Variants in TPH1 observed in about 807,000 individuals in gnomAD.
The protein encoded by TPH1 is tryptophan hydroxylase 1.
In TPH1, 37 loss-of-function variants were observed where a neutral mutation model predicts 49.5. That is an observed-to-expected ratio of 0.75 (90% CI 0.58 to 0.98). The LOEUF is 0.98. Among genes scored for constraint, TPH1 ranks in the 50% least tolerant of loss-of-function variants. The probability of loss-of-function intolerance (pLI) is 0.00; values close to 1 mark genes in which losing one functional copy is unlikely to be tolerated. For synonymous variants in TPH1, 160 were observed against 182.1 expected (o/e 0.88, Z 0.98); for missense variants, 487 against 523.6 (o/e 0.93, Z 0.68).
Position 18,026,529 on chromosome 11 carries a change from T to C in TPH1, c.764A>G (p.Tyr255Cys), listed in dbSNP as rs1314697630. ...LAFRVFHCTQ[Y>C]VRHSSDPFYT... ...GAAGGGATCTGAACTGTGTCTCACA[T>C]ATTGAGTGCAGTGAAAAACTCGAAA... The change falls in exon 7 of 11, where the codon TAT becomes TGT. Residue 255 changes from tyrosine (Y) to cysteine (C), a missense_variant. Coordinates refer to ENST00000682019, the MANE Select transcript of TPH1 (RefSeq NM_004179.3). The C allele has an allele frequency of 1.2e-6, 2 of 1,613,124 alleles. No individual in the cohort carries two copies. The highest frequency in any genetic ancestry group is 1.7e-6 in the Non-Finnish European group (2 of 1,179,692).
chr11:18,021,255 G>T, intron 10 of TPH1, 90 bp from the exon 11 acceptor site: 1 of 1,312,440 alleles, frequency 7.6e-7, no homozygotes, highest in Non-Finnish European at 1.1e-6. Flanking sequence ...CACATACTAG[G>T]CAAAAAACAA....
chr11:18,021,037 A>G lies in TPH1; in HGVS notation c.1289T>C (p.Val430Ala). Residue 430 changes from valine to alanine, a missense_variant, in exon 11 of 11, where the codon GTT (valine) becomes GCT (alanine). By Grantham distance (64) the Val-to-Ala change is moderately conservative (BLOSUM62 0). Coordinates refer to ENST00000682019, the MANE Select transcript of TPH1 (RefSeq NM_004179.3). ...AMNELQHDLD[V>A]VSDALAKVSR... ...GACCTTAGCAAGGGCATCACTGACA[A>G]CATCGAGATCATGCTGCAGCTCATT... is the stretch of plus-strand genomic sequence containing the variant. 6.2e-7 allele frequency: 1 copy of G among 1,614,028 alleles called. No homozygotes were observed. Among genetic ancestry groups the G allele is most frequent in the Admixed American group, 1.7e-5 (1 of 60,006 alleles).
At chr11:18,029,109 T>C in intron 6 of TPH1, 56 bp downstream of exon 6, 1 of 974,904 alleles carries the variant, frequency 1.0e-6, no homozygotes. Flanking sequence ...AAAAATGCTG[T>C]CATGATCAAA....
intron 6 of TPH1, among the ~76,000 whole-genome samples, chr11:18,027,980 G>C (rs1260143485): frequency 6.6e-6 from 1 of 152,180 alleles, no homozygotes; most frequent in Non-Finnish European, 1.5e-5. Flanking sequence ...GAAACTCAAA[G>C]ACAGCAATTT....
Position 18,019,942 on chromosome 11 carries a change from T to C in TPH1, c.*1049A>G, listed in dbSNP as rs1854338374. ...TTTCTGACATTCTATTTCCTCCCCT[T>C]TTCTGCAGCCTCTACTCTCATTGCA... is the stretch of plus-strand genomic sequence containing the variant. On this transcript the variant is annotated 3_prime_UTR_variant, in exon 11 of 11. Transcript: ENST00000682019. 1 of 354,196 alleles carries C rather than the reference T, an allele frequency of 2.8e-6. No individual in the cohort carries two copies. The highest frequency in any genetic ancestry group is 5.5e-6 in the Non-Finnish European group (1 of 180,578). 21.9% of individuals were successfully genotyped at this position (354,196 alleles called of 1,614,324 possible). A position where few individuals can be genotyped will look rare whatever the true frequency, so the allele number is the denominator to read the frequency against.
At chr11:18,027,585 T>C (rs1847942756) in intron 6 of TPH1, among the ~76,000 whole-genome samples, 1 of 152,248 alleles carries the variant, frequency 6.6e-6, no homozygotes, top group African/African-American at 2.4e-5. Flanking sequence ...CTGTTAGTTT[T>C]GATTTCTCTT....
chr11:18,028,642 C>A (rs555150108), intron 6 of TPH1, among the ~76,000 whole-genome samples: 1 of 152,340 alleles, frequency 6.6e-6, no homozygotes, highest in Admixed American at 6.5e-5. Context: ...ATTCTGCTCA[C>A]TTTCCTCTAC....
chr11:18,040,672 G>A lies in TPH1; in HGVS notation c.91C>T (p.Leu31Phe). Residue 31 changes from leucine to phenylalanine, a missense_variant, in exon 2 of 11, where the codon CTT (leucine) becomes TTT (phenylalanine). Coordinates refer to ENST00000682019, the MANE Select transcript of TPH1 (RefSeq NM_004179.3). ...TGAAAGATTTTCAGGGCTTTTATAAGTCCTCCAACTTCATTCTTTAAGGAA... is the reference window on the plus strand; with the variant it reads ...TGAAAGATTTTCAGGGCTTTTATAAATCCTCCAACTTCATTCTTTAAGGAA... ...IFSLKNEVGGLIKALKIFQEK... is the reference protein window; with the variant it reads ...IFSLKNEVGGFIKALKIFQEK... 1.2e-6 allele frequency: 2 copies of A among 1,612,042 alleles called. No homozygotes were observed. The highest frequency in any genetic ancestry group is 1.7e-4 in the Middle Eastern group (1 of 6,010).
At chr11:18,034,921 T>C (rs976323905) in intron 3 of TPH1, among the ~76,000 whole-genome samples, 9 of 152,212 alleles carry the variant, frequency 5.9e-5, no homozygotes, top group African/African-American at 2.2e-4. Flanking sequence ...GGAGTGGTTT[T>C]GTGGAAGACA....
intron 10 of TPH1, among the ~76,000 whole-genome samples, chr11:18,022,539 C>T (rs1022820386): frequency 1.3e-5 from 2 of 152,122 alleles, no homozygotes; most frequent in Non-Finnish European, 2.9e-5. Context: ...ATCTATTTTC[C>T]CTATTAGACT....
chr11:18,035,548 C>G (rs1395169435), intron 3 of TPH1, among the ~76,000 whole-genome samples: 1 of 151,750 alleles, frequency 6.6e-6, no homozygotes, highest in African/African-American at 2.4e-5. Flanking sequence ...CCCACCTCAG[C>G]CTCCAGAGTA....
At chr11:18,021,188 G>C (rs770885582) in intron 10 of TPH1, 23 bp from the exon 11 acceptor site, 1 of 1,606,718 alleles carries the variant, frequency 6.2e-7, no homozygotes. Context: ...ACAAATAGGA[G>C]ACAATCAATT....
At chr11:18,041,506 A>T (rs75623548) in intron 1 of TPH1, among the ~76,000 whole-genome samples, 1,650 of 152,314 alleles carry the variant, frequency 0.011, 39 homozygotes, top group African/African-American at 0.038. Flanking sequence ...CTAATATAAA[A>T]CTAAGTTACC....
Position 18,022,862 on chromosome 11 carries a change from T to C in TPH1, c.1096A>G (p.Ile366Val), listed in dbSNP as rs775552499. 5 of 1,613,530 alleles carry C rather than the reference T, an allele frequency of 3.1e-6. No individual in the cohort carries two copies. The Admixed American group carries it at 8.3e-5, about 27-fold the overall frequency. Residue 366 changes from isoleucine to valine, a missense_variant, in exon 10 of 11, where the codon ATC becomes GTC. Ile to Val is a conservative substitution (Grantham distance 29). Coordinates refer to ENST00000682019, the MANE Select transcript of TPH1 (RefSeq NM_004179.3). ...PKITCKQECL[I>V]TTFQDVYFVS... ...AAGTAGACATCTTGAAAAGTTGTGA[T>C]AAGACATTCCTGTTTGCAGGTAATC...
intron 2 of TPH1, among the ~76,000 whole-genome samples, chr11:18,040,046 C>T (rs775030244): frequency 1.3e-5 from 2 of 150,974 alleles, no homozygotes; most frequent in Non-Finnish European, 3.0e-5. Flanking sequence ...ATTAAATATA[C>T]TATGACTATA....
Position 18,020,966 on chromosome 11 carries a change from A to G in TPH1, c.*25T>C, listed in dbSNP as rs118029964. ...GCCCAGACCTCCGAATTGATGCTCA[A>G]ATGTTCCTGGATGACTGGCTACTGT... On this transcript the variant is annotated 3_prime_UTR_variant, in exon 11 of 11. Transcript: ENST00000682019. 1,587 of 1,613,008 alleles carry G rather than the reference A, an allele frequency of 9.8e-4. 32 individuals carry two copies. In the East Asian group the frequency reaches 0.031, roughly 32 times the overall value.
intron 2 of TPH1, among the ~76,000 whole-genome samples, chr11:18,039,831 C>A (rs1848083183): frequency 6.6e-6 from 1 of 152,058 alleles, no homozygotes; most frequent in African/African-American, 2.4e-5. Context: ...ATTTTTAAGA[C>A]AGATTTATGA....
At chr11:18,031,805 C>A (rs539477146) in intron 4 of TPH1, among the ~76,000 whole-genome samples, 1 of 152,274 alleles carries the variant, frequency 6.6e-6, no homozygotes, top group Non-Finnish European at 1.5e-5. Flanking sequence ...CTCCTGAAAT[C>A]TTTTAAGGCC....
At chr11:18,024,864 A>G (rs560956940) in intron 8 of TPH1, among the ~76,000 whole-genome samples, 12 of 152,270 alleles carry the variant, frequency 7.9e-5, no homozygotes, top group African/African-American at 2.6e-4. Context: ...CACACCAAGC[A>G]CCACCTTGTC....
Sources: allele counts gnomAD v4.1 joint callset (sites outside exome capture counted in the v4.1 genomes callset), GRCh38; gene constraint gnomAD v4.1.1; transcripts MANE v1.5; gene names NCBI Gene and HGNC (gene_info 2026-07-23, HGNC 2026-07-21).